Variants in GRHL2 observed in about 807,000 individuals in gnomAD.
GRHL2 encodes grainyhead-like protein 2 homolog.
GRHL2 carries 21 observed loss-of-function variants against 83.8 expected under a neutral mutation model. The observed-to-expected ratio is 0.25, with a 90% confidence interval of 0.18 to 0.36. The LOEUF is 0.36. Ranked by LOEUF, GRHL2 falls within the 10% of genes least tolerant of loss-of-function variation. The probability of loss-of-function intolerance (pLI) is 1.00; values close to 1 mark genes in which losing one functional copy is unlikely to be tolerated. For synonymous variants in GRHL2, 280 were observed against 278.9 expected (o/e 1.00, Z -0.04); for missense variants, 623 against 781.8 (o/e 0.80, Z 2.42).
chr8:101,492,592 G>C lies in GRHL2; in HGVS notation c.-178G>C. The stretch of plus-strand genomic sequence containing the variant: ...TATCCCACCTTTCCGGCTAGGTGAG[G>C]GCGCGAGCGGGCGAGCGAGCGAGAG... On this transcript the variant is annotated 5_prime_UTR_variant, in exon 1 of 16. Transcript: ENST00000646743. 1 of 709,300 alleles carries C rather than the reference G, an allele frequency of 1.4e-6. No individual in the cohort carries two copies. 43.9% of individuals were successfully genotyped at this position (709,300 alleles called of 1,614,324 possible).
chr8:101,567,383 G>A (rs755469757), intron 4 of GRHL2, among the ~76,000 whole-genome samples: 4 of 152,174 alleles, frequency 2.6e-5, no homozygotes, highest in Non-Finnish European at 5.9e-5. Flanking sequence ...AGCAACTGTG[G>A]AAACTTGATA....
At chr8:101,672,364 C>T (rs907427222), downstream of GRHL2, among the ~76,000 whole-genome samples, 1 of 151,610 alleles carries the variant, frequency 6.6e-6, no homozygotes, top group Non-Finnish European at 1.5e-5. Flanking sequence ...CTTAAAGGAG[C>T]TGATGGAGCT....
chr8:101,669,757 G>GTGT (rs1368645197), downstream of GRHL2: 2 of 152,322 alleles, frequency 1.3e-5, no homozygotes, highest in African/African-American at 4.8e-5. Flanking sequence ...TGTGCAGCCA[G>GTGT]TGTTGGGGAT....
chr8:101,665,532 C>A (rs1023355374), intron 15 of GRHL2, among the ~76,000 whole-genome samples: 2 of 152,074 alleles, frequency 1.3e-5, no homozygotes, highest in Non-Finnish European at 2.9e-5. Context: ...TACTTCTTGC[C>A]GAGGTCAATG....
chr8:101,542,829 G>A (rs2130120775), intron 1 of GRHL2: 2 of 457,018 alleles, frequency 4.4e-6, no homozygotes, highest in Non-Finnish European at 8.8e-6. Flanking sequence ...AGAGCAAGAG[G>A]GGGTGAAGCT....
At chr8:101,561,801 C>T (rs1811613489) in intron 4 of GRHL2, among the ~76,000 whole-genome samples, 1 of 152,160 alleles carries the variant, frequency 6.6e-6, no homozygotes, top group Admixed American at 6.5e-5. Flanking sequence ...TATGTAAGTA[C>T]ATCTATCAGT....
rs964951710 is a variant in GRHL2 at position 101,527,482 on chromosome 8, T to C, written c.21-15759T>C. ...TCCCAAAGCACTGGAATTATAGCTA[T>C]GAGCCACTGTGCTGGGCCCACTACA... On this transcript the variant is annotated intron_variant, in intron 1 of 15. Transcript: ENST00000646743. 3.3e-5 allele frequency among the ~76,000 whole-genome samples: 5 copies of C among 152,222 alleles called. No homozygotes were observed. The South Asian group carries it at 1.0e-3, about 31-fold the overall frequency.
chr8:101,526,355 G>T (rs1322981826), intron 1 of GRHL2, among the ~76,000 whole-genome samples: 1 of 152,064 alleles, frequency 6.6e-6, no homozygotes, highest in Non-Finnish European at 1.5e-5. Context: ...ATAACATCAT[G>T]CATTGGCATT....
intron 13 of GRHL2, among the ~76,000 whole-genome samples, chr8:101,648,213 G>T (rs1813551681): frequency 6.6e-6 from 1 of 152,138 alleles, no homozygotes; most frequent in Admixed American, 6.5e-5. Context: ...GGCAGAAAGG[G>T]CAATGGTGGC....
the GRHL2 span, among the ~76,000 whole-genome samples, chr8:101,675,375 A>G: frequency 1.3e-5 from 2 of 152,100 alleles, no homozygotes; most frequent in Non-Finnish European, 2.9e-5. Context: ...AGGATACAAA[A>G]TCAATGTGCA....
intron 5 of GRHL2, among the ~76,000 whole-genome samples, chr8:101,570,934 G>T (rs535482828): frequency 6.6e-6 from 1 of 152,230 alleles, no homozygotes; most frequent in East Asian, 1.9e-4. Flanking sequence ...CAATACATTG[G>T]ATCTCCCTGC....
Position 101,523,774 on chromosome 8 carries a change from A to G in GRHL2, c.21-19467A>G, listed in dbSNP as rs913609073. ...AATTACAAGTGTGAGCCACTGGCCCAGCCTTCTTTTCCATTTATATTCAGT... is the reference window on the plus strand; with the variant it reads ...AATTACAAGTGTGAGCCACTGGCCCGGCCTTCTTTTCCATTTATATTCAGT... On this transcript the variant is annotated intron_variant, in intron 1 of 15. Coordinates refer to ENST00000646743, the MANE Select transcript of GRHL2 (RefSeq NM_024915.4). Among the ~76,000 whole-genome samples, 5 of 152,232 alleles carry G rather than the reference A, an allele frequency of 3.3e-5. No homozygotes were observed. The South Asian group carries it at 8.3e-4, about 25-fold the overall frequency.
chr8:101,643,995 G>A lies in GRHL2; in HGVS notation c.1518-136G>A. On this transcript the variant is annotated intron_variant, in intron 12 of 15. Coordinates refer to ENST00000646743, the MANE Select transcript of GRHL2 (RefSeq NM_024915.4). ...GCTTGGGACCTGCAAGGGGAAGAAG[G>A]AGGTTGGTGAGTAGATCCAGTTACG... is the stretch of plus-strand genomic sequence containing the variant. The A allele has an allele frequency of 1.4e-5, 10 of 738,546 alleles. No homozygotes were observed. In the Middle Eastern group the frequency reaches 6.8e-4, roughly 50 times the overall value. 45.7% of individuals were successfully genotyped at this position (738,546 alleles called of 1,614,324 possible).
downstream of GRHL2, among the ~76,000 whole-genome samples, chr8:101,670,792 G>A (rs753201788): frequency 7.2e-5 from 11 of 152,342 alleles, no homozygotes; most frequent in Admixed American, 1.3e-4. Flanking sequence ...TGTCAGTGTC[G>A]TGAAGTTCAG....
chr8:101,541,747 C>T (rs1322207514), intron 1 of GRHL2, among the ~76,000 whole-genome samples: 1 of 152,094 alleles, frequency 6.6e-6, no homozygotes, highest in Non-Finnish European at 1.5e-5. Flanking sequence ...TAGCCGAGCA[C>T]CCAGCAGGGG....
chr8:101,577,525 T>C lies in GRHL2; in HGVS notation c.1003+6T>C, dbSNP rs547552031. On this transcript the variant is annotated splice_donor_region_variant and intron_variant, in intron 7 of 15. Transcript: ENST00000646743. ...GCAGAGGGTCCTTGACATTGGTAAG[T>C]TGACCTTGACTTCCCTGTATAGTCC... 1.3e-6 allele frequency: 2 copies of C among 1,569,480 alleles called. No homozygotes were observed. Among genetic ancestry groups the C allele is most frequent in the Non-Finnish European group, 8.8e-7 (1 of 1,139,582 alleles).
intron 14 of GRHL2, among the ~76,000 whole-genome samples, chr8:101,652,372 T>G (rs1293183017): frequency 5.6e-5 from 1 of 17,904 alleles, no homozygotes; most frequent in Non-Finnish European, 9.8e-5. Context: ...TGTGTGTGTC[T>G]GATGTGTGTG....
intron 9 of GRHL2, among the ~76,000 whole-genome samples, chr8:101,622,269 T>C (rs541965): frequency 0.98 from 149,132 of 152,312 alleles, 73,191 homozygotes; most frequent in Middle Eastern, 1. Flanking sequence ...ATTTTATATG[T>C]AGCCAAATTG....
At chr8:101,541,310 T>A (rs957158216) in intron 1 of GRHL2, among the ~76,000 whole-genome samples, 1 of 152,124 alleles carries the variant, frequency 6.6e-6, no homozygotes, top group Admixed American at 6.6e-5. Flanking sequence ...TTTAATATAA[T>A]GACTTATTTT....
Sources: allele counts gnomAD v4.1 joint callset (sites outside exome capture counted in the v4.1 genomes callset), GRCh38; gene constraint gnomAD v4.1.1; transcripts MANE v1.5; gene names NCBI Gene and HGNC (gene_info 2026-07-23, HGNC 2026-07-21).